Variants in SNAP23 observed in about 807,000 individuals in gnomAD.
SNAP23 encodes synaptosomal-associated protein 23.
In SNAP23, 11 loss-of-function variants were observed where a neutral mutation model predicts 29.0. The ratio of observed to expected loss-of-function variants is 0.38; its 90% CI spans 0.24 to 0.63. SNAP23 has a LOEUF of 0.63. Ranked by LOEUF, SNAP23 falls within the 20% of genes least tolerant of loss-of-function variation. SNAP23 has a pLI of 0.58. For synonymous variants in SNAP23, 60 were observed against 82.9 expected, an observed-to-expected ratio of 0.72 and a Z score of 1.50; for missense variants, 220 against 253.9, an observed-to-expected ratio of 0.87 and a Z score of 0.91.
At chr15:42,521,463 T>C in intron 5 of SNAP23, 1 of 1,345,434 alleles carries the variant, frequency 7.4e-7, no homozygotes, top group Non-Finnish European at 9.5e-7. Context: ...CAGATGTTGG[T>C]TGTTTCTATG....
At chr15:42,502,519 CTAAA>C (rs74278905) in intron 1 of SNAP23, among the ~76,000 whole-genome samples, 2 of 151,566 alleles carry the variant, frequency 1.3e-5, no homozygotes, top group Non-Finnish European at 2.9e-5. Flanking sequence ...CTATATCTAC[CTAAA>C]TAAATAAATA....
At position 42,531,541 on chromosome 15, in the gene SNAP23, C is replaced by T; in HGVS notation, c.*63C>T. The T allele has an allele frequency of 7.6e-7, 1 of 1,309,578 alleles. No homozygotes were observed. Among genetic ancestry groups the T allele is most frequent in the Non-Finnish European group, 1.1e-6 (1 of 930,550 alleles). The allele number at this position is 1,309,578 out of a possible 1,614,324, so 81.1% of individuals were successfully genotyped here. A position where few individuals can be genotyped will look rare whatever the true frequency, so the allele number is the denominator to read the frequency against. The stretch of plus-strand genomic sequence containing the variant: ...GTAGCTCCTCCTTGAAAGTTATTAC[C>T]TTTTCAGAGTTTAAGTTTTCGGTTC... On this transcript the variant is annotated 3_prime_UTR_variant, in exon 8 of 8. Transcript: ENST00000249647.
chr15:42,496,785 C>T (rs1408157144), intron 1 of SNAP23, among the ~76,000 whole-genome samples: 1 of 152,024 alleles, frequency 6.6e-6, no homozygotes, highest in East Asian at 1.9e-4. Context: ...GTTTAATTGA[C>T]TCTCAGTTCT....
intron 5 of SNAP23, among the ~76,000 whole-genome samples, chr15:42,523,973 C>T (rs934759323): frequency 6.6e-6 from 1 of 152,052 alleles, no homozygotes; most frequent in African/African-American, 2.4e-5. Flanking sequence ...CCTGCCACTG[C>T]GCCTGGCTAA....
At chr15:42,494,711 T>G (rs2057201810), upstream of SNAP23, among the ~76,000 whole-genome samples, 1 of 151,994 alleles carries the variant, frequency 6.6e-6, no homozygotes, top group African/African-American at 2.4e-5. Flanking sequence ...GAGATGGGGT[T>G]TCTCTATGTT....
At position 42,531,711 on chromosome 15, in the gene SNAP23, TTCATATG is replaced by T. The variant is rs1296514953; in HGVS notation, c.*238_*244del. ...CTCAATTCATACGCTTAGATTGGTTTTCATATGTCATGTTTAGTGTTTTCATCCTCCT... is the reference window on the plus strand; with the variant it reads ...CTCAATTCATACGCTTAGATTGGTTTTCATGTTTAGTGTTTTCATCCTCCT... On this transcript the variant is annotated 3_prime_UTR_variant, in exon 8 of 8. Transcript: ENST00000249647. The T allele has an allele frequency of 3.2e-5, 12 of 378,504 alleles. No individual in the cohort carries two copies. The highest frequency in any genetic ancestry group is 4.2e-5 in the Non-Finnish European group (9 of 212,130). 23.4% of individuals were successfully genotyped at this position (378,504 alleles called of 1,614,324 possible).
At chr15:42,508,556 T>C (rs2057333741) in intron 1 of SNAP23, among the ~76,000 whole-genome samples, 1 of 152,180 alleles carries the variant, frequency 6.6e-6, no homozygotes, top group African/African-American at 2.4e-5. Flanking sequence ...GAAAAAAATA[T>C]TAAGCAGAAC....
At chr15:42,516,002 G>T (rs2057393777) in intron 5 of SNAP23, among the ~76,000 whole-genome samples, 1 of 152,156 alleles carries the variant, frequency 6.6e-6, no homozygotes, top group Admixed American at 6.6e-5. Flanking sequence ...CAAGGAGCTT[G>T]ACTTAACTGA....
intron 4 of SNAP23, 137 bp from the exon 5 acceptor site, chr15:42,515,100 C>T (rs1017133546): frequency 1.1e-5 from 7 of 627,184 alleles, no homozygotes; most frequent in Non-Finnish European, 2.0e-5. Flanking sequence ...GCTTCTAATA[C>T]CTTTTGACAC....
chr15:42,520,856 T>C (rs1429028774), intron 5 of SNAP23, among the ~76,000 whole-genome samples: 4 of 152,252 alleles, frequency 2.6e-5, no homozygotes, highest in African/African-American at 9.6e-5. Context: ...AGTCTAACAA[T>C]GGCACATAGT....
In SNAP23 at chr15:42,524,707, A is replaced by C. The variant is rs920042163; in HGVS notation, c.267-3555A>C. ...GACTGCTGAGGTCACTCTGATACTC[A>C]GTCAAGTTTGGAAGGTATTACCTTT... On this transcript the variant is annotated intron_variant, in intron 5 of 7. Coordinates refer to ENST00000249647, the MANE Select transcript of SNAP23 (RefSeq NM_003825.4). 3.3e-5 allele frequency among the ~76,000 whole-genome samples: 5 copies of C among 152,364 alleles called. No individual in the cohort carries two copies. The East Asian group carries it at 9.6e-4, about 29-fold the overall frequency.
At chr15:42,528,162 TAG>T (rs2057522123) in intron 5 of SNAP23, 98 bp from the exon 6 acceptor site, 1 of 948,694 alleles carries the variant, frequency 1.1e-6, no homozygotes, top group Admixed American at 2.1e-5. Context: ...GCTTTTCTAC[TAG>T]AGTTATTAGT....
At chr15:42,511,738 C>A in intron 1 of SNAP23, 95 bp from the exon 2 acceptor site, 1 of 586,030 alleles carries the variant, frequency 1.7e-6, no homozygotes, top group Non-Finnish European at 2.9e-6. Flanking sequence ...CTGATAAGTT[C>A]CTAAATTCCA....
intron 6 of SNAP23, among the ~76,000 whole-genome samples, chr15:42,529,077 A>G (rs141920624): frequency 1.3e-5 from 2 of 152,220 alleles, no homozygotes; most frequent in African/African-American, 2.4e-5. Flanking sequence ...CGAGCCAGAG[A>G]GTTAATATTT....
chr15:42,505,362 GC>G (rs2057308432), intron 1 of SNAP23: 1 of 152,178 alleles, frequency 6.6e-6, no homozygotes. Flanking sequence ...ACCACGCCTG[GC>G]CTGATGGTGA....
chr15:42,509,688 T>C (rs1364657299), intron 1 of SNAP23, among the ~76,000 whole-genome samples: 1 of 152,036 alleles, frequency 6.6e-6, no homozygotes, highest in African/African-American at 2.4e-5. Context: ...TCCATCCGCC[T>C]CGGCCTCCCA....
At chr15:42,498,331 G>A (rs56357092) in intron 1 of SNAP23, among the ~76,000 whole-genome samples, 45,141 of 152,036 alleles carry the variant, frequency 0.3, 8,056 homozygotes, top group African/African-American at 0.5. Flanking sequence ...AGGCATTTCC[G>A]TACATCCTCT....
chr15:42,494,145 T>C (rs1567039971), upstream of SNAP23, among the ~76,000 whole-genome samples: 2 of 152,116 alleles, frequency 1.3e-5, no homozygotes, highest in Non-Finnish European at 2.9e-5. Flanking sequence ...CAAAAAATCT[T>C]GATCCTTCAT....
chr15:42,529,546 G>A, intron 6 of SNAP23, 129 bp from the exon 7 acceptor site: 1 of 857,812 alleles, frequency 1.2e-6, no homozygotes, highest in Non-Finnish European at 1.8e-6. Context: ...CCCAGGAATG[G>A]TAACCTATAT....
Sources: gnomAD v4.1 joint callset for allele counts (sites outside exome capture counted in the v4.1 genomes callset) on GRCh38, gnomAD v4.1.1 for gene constraint, MANE v1.5 for transcripts, NCBI Gene and HGNC (gene_info 2026-07-23, HGNC 2026-07-21) for gene names.